DPYD: variants seen among roughly 807,000 people sequenced by gnomAD.
DPYD encodes the protein dihydropyrimidine dehydrogenase.
In DPYD, 109 loss-of-function variants were observed where a neutral mutation model predicts 116.2. The ratio of observed to expected loss-of-function variants is 0.94; its 90% CI spans 0.80 to 1.10. The LOEUF is 1.10. Ranked by LOEUF, DPYD falls within the 50% of genes least tolerant of loss-of-function variation. DPYD has a pLI of 0.00. For synonymous variants in DPYD, 440 were observed against 432.0 expected (o/e 1.02, Z -0.23); for missense variants, 1,302 against 1,254.5 (o/e 1.04, Z -0.57).
intron 5 of DPYD, among the ~76,000 whole-genome samples, chr1:97,708,780 T>C (rs528984418): frequency 8.5e-5 from 13 of 152,054 alleles, no homozygotes; most frequent in African/African-American, 2.2e-4. Context: ...CCGGAATATG[T>C]CTCTATTTAT....
At chr1:97,598,026 T>C (rs1040281704) in intron 8 of DPYD, among the ~76,000 whole-genome samples, 1 of 152,288 alleles carries the variant, frequency 6.6e-6, no homozygotes, top group Non-Finnish European at 1.5e-5. Context: ...ACCATATATA[T>C]AATTGAGAGC....
chr1:97,721,603 A>G lies in DPYD; in HGVS notation c.390T>C (p.Cys130=). The G allele has an allele frequency of 6.2e-7, 1 of 1,611,942 alleles. No individual in the cohort carries two copies. Among genetic ancestry groups the G allele is most frequent in the Non-Finnish European group, 8.5e-7 (1 of 1,178,508 alleles). Residue 130 remains cysteine, a synonymous_variant, in exon 5 of 23, where the codon TGT becomes TGC. Coordinates refer to ENST00000370192, the MANE Select transcript of DPYD (RefSeq NM_000110.4). ...CACCTACACAAAGATCAGAGGTTGG[A>G]CATACCATTCCACAAGTCAGACCAA... is the stretch of plus-strand genomic sequence containing the variant. ...NPLGLTCGMV[C]PTSDLCVGGC...
intron 3 of DPYD, among the ~76,000 whole-genome samples, chr1:97,810,825 T>C (rs1423253239): frequency 6.6e-6 from 1 of 152,206 alleles, no homozygotes; most frequent in East Asian, 1.9e-4. Context: ...GTATACGAAA[T>C]ACTCCTAGTA....
chr1:97,443,252 T>G (rs1570741755), intron 14 of DPYD, among the ~76,000 whole-genome samples: 1 of 152,290 alleles, frequency 6.6e-6, no homozygotes, highest in East Asian at 1.9e-4. Flanking sequence ...TTTTGTAAAT[T>G]AGAAGAATAT....
chr1:97,603,452 T>C (rs1165377640), intron 8 of DPYD, among the ~76,000 whole-genome samples: 1 of 151,834 alleles, frequency 6.6e-6, no homozygotes, highest in Admixed American at 6.6e-5. Context: ...AAAACACTTA[T>C]CTCCATCGAC....
intron 20 of DPYD, among the ~76,000 whole-genome samples, chr1:97,109,093 C>A (rs891599215): frequency 6.6e-6 from 1 of 152,072 alleles, no homozygotes; most frequent in Non-Finnish European, 1.5e-5. Context: ...TAACAATGAT[C>A]ACCTTGCCCA....
chr1:97,124,885 T>G (rs1419955042), intron 20 of DPYD, among the ~76,000 whole-genome samples: 1 of 152,120 alleles, frequency 6.6e-6, no homozygotes, highest in Non-Finnish European at 1.5e-5. Flanking sequence ...AAATATTCTC[T>G]AAAAACCTGT....
At chr1:97,414,491 A>C (rs989659203) in intron 14 of DPYD, among the ~76,000 whole-genome samples, 1 of 152,240 alleles carries the variant, frequency 6.6e-6, no homozygotes, top group East Asian at 1.9e-4. Context: ...TCGGTCAAGC[A>C]GTGGTTTCAT....
At chr1:97,503,889 T>C (rs966470652) in intron 13 of DPYD, among the ~76,000 whole-genome samples, 2 of 152,066 alleles carry the variant, frequency 1.3e-5, no homozygotes, top group African/African-American at 4.8e-5. Flanking sequence ...TAAAATTCAA[T>C]ATGGATATTA....
chr1:97,560,519 A>C, intron 11 of DPYD, among the ~76,000 whole-genome samples: 1 of 151,960 alleles, frequency 6.6e-6, no homozygotes, highest in East Asian at 1.9e-4. Context: ...TAATAGGAAA[A>C]AAAGCAAGGC....
chr1:97,769,559 G>A (rs1322925352), intron 3 of DPYD, among the ~76,000 whole-genome samples: 3 of 152,032 alleles, frequency 2.0e-5, no homozygotes, highest in African/African-American at 4.8e-5. Flanking sequence ...TCAAAGAGTA[G>A]GACAAGATCT....
In DPYD at chr1:97,903,144, C is replaced by T. The variant is rs367566821; in HGVS notation, c.39+17740G>A. Among the ~76,000 whole-genome samples the T allele has an allele frequency of 5.3e-5, 8 of 151,920 alleles. 1 individual carries two copies. The South Asian group carries it at 1.5e-3, about 28-fold the overall frequency. On this transcript the variant is annotated intron_variant, in intron 1 of 22. Transcript: ENST00000370192. Reference sequence around the variant, plus strand: ...GAGCAACATTCATACTATTTACACACTTGTTAAGATTTAAGTAAGAAAAGG... The same window carrying T: ...GAGCAACATTCATACTATTTACACATTTGTTAAGATTTAAGTAAGAAAAGG...
At chr1:97,531,371 A>C (rs563449064) in intron 12 of DPYD, among the ~76,000 whole-genome samples, 1 of 152,190 alleles carries the variant, frequency 6.6e-6, no homozygotes, top group Admixed American at 6.5e-5. Context: ...TTTATTGAAG[A>C]GACAATCCTT....
chr1:97,684,128 G>A (rs79203161), intron 7 of DPYD, among the ~76,000 whole-genome samples: 1 of 152,100 alleles, frequency 6.6e-6, no homozygotes, highest in African/African-American at 2.4e-5. Context: ...TGTTATGGTA[G>A]GGTGTCAATG....
chr1:97,835,162 A>C (rs1249411990), intron 2 of DPYD, among the ~76,000 whole-genome samples: 1 of 152,046 alleles, frequency 6.6e-6, no homozygotes, highest in African/African-American at 2.4e-5. Context: ...TAGGAGAGGT[A>C]GGAGCTATGC....
At chr1:97,719,974 T>C (rs557606138) in intron 5 of DPYD, 6 of 984,854 alleles carry the variant, frequency 6.1e-6, no homozygotes, top group Admixed American at 6.2e-5. Context: ...TTTTAGTAAG[T>C]TTCTAATAAA....
At chr1:97,892,696 C>A (rs1672836788) in intron 1 of DPYD, among the ~76,000 whole-genome samples, 1 of 151,786 alleles carries the variant, frequency 6.6e-6, no homozygotes, top group African/African-American at 2.4e-5. Context: ...TTCTACTTTT[C>A]CAAGTAACTT....
chr1:97,314,659 T>C lies in DPYD; in HGVS notation c.2059-8362A>G, dbSNP rs566971068. On this transcript the variant is annotated intron_variant, in intron 16 of 22. Transcript: ENST00000370192. ...CTTTACTCTCAAATGGCAGTGTTAA[T>C]TGTAGAGATCAGCCCTGAAAGCTGT... is the stretch of plus-strand genomic sequence containing the variant. Among the ~76,000 whole-genome samples, 35 of 152,028 alleles carry C rather than the reference T, an allele frequency of 2.3e-4. No homozygotes were observed. In the South Asian group the frequency reaches 7.2e-3, roughly 31 times the overall value.
intron 18 of DPYD, among the ~76,000 whole-genome samples, chr1:97,286,611 G>A (rs903515198): frequency 2.1e-4 from 32 of 152,266 alleles, no homozygotes; most frequent in African/African-American, 7.5e-4. Flanking sequence ...TGGAGGCTTT[G>A]TTCATTTCTT....
Sources: gnomAD v4.1 joint callset for allele counts (sites outside exome capture counted in the v4.1 genomes callset) on GRCh38, gnomAD v4.1.1 for gene constraint, MANE v1.5 for transcripts, NCBI Gene and HGNC (gene_info 2026-07-23, HGNC 2026-07-21) for gene names.